The following KCNMA1 variants were observed in gnomAD, a reference collection of about 807,000 sequenced individuals.
The protein encoded by KCNMA1 is Calcium-activated potassium channel subunit alpha-1.
Under a neutral mutation model 140.0 loss-of-function variants are expected in KCNMA1, and 29 were observed. That is an observed-to-expected ratio of 0.21 (90% CI 0.15 to 0.28). The LOEUF (loss-of-function observed/expected upper bound fraction) is 0.28. Among genes scored for constraint, KCNMA1 ranks in the 10% least tolerant of loss-of-function variants. The pLI is 1.00. For missense variants in KCNMA1, 880 were observed against 1,602.2 expected, an observed-to-expected ratio of 0.55 and a Z score of 7.70; for synonymous variants, 612 against 611.9, an observed-to-expected ratio of 1.00 and a Z score of 0.00.
intron 2 of KCNMA1, among the ~76,000 whole-genome samples, chr10:77,300,739 GTC>G (rs2076338030): frequency 1.3e-5 from 2 of 152,168 alleles, no homozygotes; most frequent in Non-Finnish European, 2.9e-5. Flanking sequence ...TTGCAGCATA[GTC>G]TCTACCAGCA....
At chr10:77,132,774 A>C (rs2097893173) in intron 5 of KCNMA1, among the ~76,000 whole-genome samples, 1 of 152,202 alleles carries the variant, frequency 6.6e-6, no homozygotes, top group Non-Finnish European at 1.5e-5. Flanking sequence ...CAAAAGAAGG[A>C]TATCTTTACA....
intron 23 of KCNMA1, among the ~76,000 whole-genome samples, chr10:76,916,452 CT>C (rs2052958128): frequency 1.3e-5 from 2 of 152,366 alleles, no homozygotes; most frequent in African/African-American, 4.8e-5. Flanking sequence ...AACCTATTTA[CT>C]TCCTACATTC....
At chr10:77,481,454 G>C (rs916927502) in intron 1 of KCNMA1, among the ~76,000 whole-genome samples, 9 of 152,036 alleles carry the variant, frequency 5.9e-5, no homozygotes, top group Non-Finnish European at 1.3e-4. Flanking sequence ...ATAAAGTAAT[G>C]AATGATATTA....
intron 1 of KCNMA1, among the ~76,000 whole-genome samples, chr10:77,429,153 C>T (rs1381182424): frequency 6.6e-6 from 1 of 152,134 alleles, no homozygotes; most frequent in African/African-American, 2.4e-5. Context: ...ATATACAGTT[C>T]AAGAGCCAAA....
At chr10:77,481,930 A>T (rs2098403038) in intron 1 of KCNMA1, among the ~76,000 whole-genome samples, 1 of 152,230 alleles carries the variant, frequency 6.6e-6, no homozygotes, top group Non-Finnish European at 1.5e-5. Context: ...TCCACAACTG[A>T]AGTATAGACA....
At chr10:77,323,712 T>C (rs1235311559) in intron 2 of KCNMA1, among the ~76,000 whole-genome samples, 1 of 152,256 alleles carries the variant, frequency 6.6e-6, no homozygotes, top group Admixed American at 6.5e-5. Flanking sequence ...TGTATTTATA[T>C]GCATTTTCTA....
chr10:77,308,333 G>A (rs1253936984), intron 2 of KCNMA1, among the ~76,000 whole-genome samples: 2 of 152,182 alleles, frequency 1.3e-5, no homozygotes, highest in Non-Finnish European at 2.9e-5. Flanking sequence ...TTCACACACT[G>A]CCCAAGCTGA....
At chr10:77,004,907 AG>A (rs2087876156) in intron 18 of KCNMA1, among the ~76,000 whole-genome samples, 2 of 152,122 alleles carry the variant, frequency 1.3e-5, no homozygotes, top group African/African-American at 4.8e-5. Context: ...TAAATTCCCA[AG>A]GTTAGGTCTC....
At chr10:77,371,188 T>C (rs1437164103) in intron 2 of KCNMA1, among the ~76,000 whole-genome samples, 3 of 152,194 alleles carry the variant, frequency 2.0e-5, no homozygotes, top group Non-Finnish European at 4.4e-5. Flanking sequence ...TTTGTTTCCC[T>C]TCTATTTGTC....
intron 2 of KCNMA1, among the ~76,000 whole-genome samples, chr10:77,254,244 C>T (rs1455599613): frequency 7.5e-6 from 1 of 132,936 alleles, no homozygotes; most frequent in East Asian, 2.2e-4. Context: ...TTTTTTTAGA[C>T]AGATCCTCGT....
chr10:77,158,101 T>A (rs1178253552), intron 5 of KCNMA1, among the ~76,000 whole-genome samples: 3 of 152,074 alleles, frequency 2.0e-5, no homozygotes, highest in African/African-American at 7.2e-5. Flanking sequence ...TAATCAGGAA[T>A]AAGTGGAAAG....
At chr10:77,082,002 CTTTTCTTTTTTTTTTTTTTTTTTTTTTT>C (rs1443292800) in intron 12 of KCNMA1, among the ~76,000 whole-genome samples, 18 of 51,694 alleles carry the variant, frequency 3.5e-4, no homozygotes, top group South Asian at 6.5e-4. Flanking sequence ...TTCTTTTTTT[CTTTTCTTTTTTTTTTTTTTTTTTTTTTT>C]TTTTTTTTTT....
intron 3 of KCNMA1, among the ~76,000 whole-genome samples, chr10:77,232,159 T>A (rs2053822016): frequency 2.0e-5 from 3 of 152,234 alleles, no homozygotes; most frequent in Admixed American, 6.5e-5. Context: ...CATAAGCACA[T>A]CACATTTTGT....
At chr10:77,554,760 G>A (rs2063789811) in intron 1 of KCNMA1, among the ~76,000 whole-genome samples, 1 of 152,228 alleles carries the variant, frequency 6.6e-6, no homozygotes, top group South Asian at 2.1e-4. Flanking sequence ...CCTGTTCCTG[G>A]AAACGGTGCC....
chr10:77,595,373 G>A lies in KCNMA1; in HGVS notation c.378+41892C>T, dbSNP rs1243330542. Among the ~76,000 whole-genome samples, 3 of 130,932 alleles carry A rather than the reference G, an allele frequency of 2.3e-5. No homozygotes were observed. In the South Asian group the frequency reaches 7.8e-4, roughly 34 times the overall value. The allele number at this position is 130,932 out of a possible 152,430, so 85.9% of individuals were successfully genotyped here. On this transcript the variant is annotated intron_variant, in intron 1 of 27. Transcript: ENST00000286628. ...AAAAAAAAAAAAAAAAAAAAAAAAG[G>A]TTTTAGTAGCAAACAGTCAAGTTTC...
chr10:77,619,331 TC>T (rs879411762), intron 1 of KCNMA1, among the ~76,000 whole-genome samples: 1,667 of 151,930 alleles, frequency 0.011, 13 homozygotes, highest in Middle Eastern at 0.041. Flanking sequence ...TCTCTCTCTC[TC>T]TCTCTCTCTC....
intron 2 of KCNMA1, among the ~76,000 whole-genome samples, chr10:77,377,167 AT>A (rs2095178991): frequency 6.6e-6 from 1 of 152,126 alleles, no homozygotes; most frequent in Admixed American, 6.6e-5. Flanking sequence ...TCCACAGCAC[AT>A]TCCAGGGCAG....
At chr10:77,101,863 A>G (rs1430292649) in intron 9 of KCNMA1, among the ~76,000 whole-genome samples, 1 of 152,246 alleles carries the variant, frequency 6.6e-6, no homozygotes, top group Non-Finnish European at 1.5e-5. Flanking sequence ...GGCCCAAGTC[A>G]GTATAACATG....
intron 2 of KCNMA1, among the ~76,000 whole-genome samples, chr10:77,286,499 C>G (rs1240069155): frequency 6.6e-6 from 1 of 152,190 alleles, no homozygotes; most frequent in Non-Finnish European, 1.5e-5. Flanking sequence ...ACCCATCTCT[C>G]ACGTTGTTAT....
Sources: gnomAD v4.1 joint callset for allele counts (sites outside exome capture counted in the v4.1 genomes callset) on GRCh38, gnomAD v4.1.1 for gene constraint, MANE v1.5 for transcripts, NCBI Gene and HGNC (gene_info 2026-07-23, HGNC 2026-07-21) for gene names.